The following ATM variants were observed in gnomAD, a reference collection of about 807,000 sequenced individuals.
The protein encoded by ATM is serine-protein kinase ATM.
ATM carries 308 observed loss-of-function variants against 387.0 expected under a neutral mutation model. The observed-to-expected ratio is 0.80, with a 90% CI of 0.73 to 0.87. The LOEUF (loss-of-function observed/expected upper bound fraction) is 0.87. Ranked by LOEUF, ATM falls within the 40% of genes least tolerant of loss-of-function variation. The pLI, the probability that ATM is intolerant of heterozygous loss-of-function variation, is 0.00. For missense variants in ATM, 3,312 were observed against 3,560.9 expected (o/e 0.93, Z 1.78); for synonymous variants, 1,156 against 1,187.3 (o/e 0.97, Z 0.54).
chr11:108,249,023 AG>A lies in ATM; in HGVS notation c.1158del (p.Lys387ArgfsTer3), dbSNP rs587782085. On this transcript the variant is annotated frameshift_variant, in exon 9 of 63. Transcript: ENST00000675843. LOFTEE classifies it high-confidence loss of function. ...ESSDYSVPCK[R>X]KKIELGWEVI... Reference sequence around the variant, plus strand: ...TAGTGATTACAGTGTCCCTTGCAAAAGGAAGAAAATAGAACTAGGCTGGGAA... The same window carrying A: ...TAGTGATTACAGTGTCCCTTGCAAAAGAAGAAAATAGAACTAGGCTGGGAA... 5 of 1,614,094 alleles carry A rather than the reference AG, an allele frequency of 3.1e-6. No homozygotes were observed. Among genetic ancestry groups the A allele is most frequent in the Non-Finnish European group, 4.2e-6 (5 of 1,179,942 alleles).
intron 61 of ATM, chr11:108,355,092 G>A: frequency 1.8e-6 from 1 of 566,770 alleles, no homozygotes; most frequent in South Asian, 2.1e-5. Context: ...TGGAATGTTA[G>A]AGCATTGTAA....
Position 108,366,073 on chromosome 11 carries a change from A to G in ATM, c.*565A>G. ...ACAGAAACGTATTTGGATTTTTCCT[A>G]GTAAGATCACTCAGTGTTACTAAAT... On this transcript the variant is annotated 3_prime_UTR_variant, in exon 63 of 63. Transcript: ENST00000675843. The G allele has an allele frequency of 5.4e-6, 1 of 185,796 alleles. No individual in the cohort carries two copies. Among genetic ancestry groups the G allele is most frequent in the Non-Finnish European group, 1.1e-5 (1 of 88,558 alleles). The allele number at this position is 185,796 out of a possible 1,614,324, so 11.5% of individuals were successfully genotyped here.
chr11:108,353,835 T>C lies in ATM; in HGVS notation c.8741T>C (p.Ile2914Thr), dbSNP rs780303327. The change falls in exon 60 of 63, where the codon ATT (isoleucine) becomes ACT (threonine). Residue 2914 changes from isoleucine to threonine, a missense_variant. This residue lies in a region of ATM where 1,405 missense variants were observed against 1,604.4 expected (regional missense o/e 0.88). Coordinates refer to ENST00000675843, the MANE Select transcript of ATM (RefSeq NM_000051.4). ...GTTCCTTTTAGACTCACCAGAGATA[T>C]TGTGGATGGCATGGGCATTACGGGT... ...ETVPFRLTRD[I>T]VDGMGITGVE... 6.8e-6 allele frequency: 11 copies of C among 1,613,956 alleles called. No individual in the cohort carries two copies. Among genetic ancestry groups the C allele is most frequent in the Admixed American group, 3.3e-5 (2 of 59,990 alleles).
intron 34 of ATM, among the ~76,000 whole-genome samples, chr11:108,301,198 T>A (rs4988034): frequency 6.6e-6 from 1 of 152,176 alleles, no homozygotes; most frequent in Non-Finnish European, 1.5e-5. Flanking sequence ...CTGAAACAGA[T>A]GCACAGAAAT....
At position 108,248,974 on chromosome 11, in the gene ATM, TTAC is replaced by T; in HGVS notation, c.1108_1110del (p.Tyr370del). 6.2e-7 allele frequency: 1 copy of T among 1,612,416 alleles called. No homozygotes were observed. The highest frequency in any genetic ancestry group is 8.5e-7 in the Non-Finnish European group (1 of 1,178,634). On this transcript the variant is annotated inframe_deletion, in exon 9 of 63. Coordinates refer to ENST00000675843, the MANE Select transcript of ATM (RefSeq NM_000051.4). ...CCAGATCCTTGGAGATTTCTCAATC[TTAC>T]ACTACTACACAAAGAGAATCTAGTG...
Position 108,284,188 on chromosome 11 carries a change from G to A in ATM, c.3747-39G>A, listed in dbSNP as rs1367669698. On this transcript the variant is annotated intron_variant, in intron 25 of 62. Coordinates refer to ENST00000675843, the MANE Select transcript of ATM (RefSeq NM_000051.4). ...ATTTTATAAAATTTTACTTGGAAAA[G>A]TTATATATAACCTGTATTTTAAATT... The A allele has an allele frequency of 2.7e-6, 4 of 1,482,902 alleles. No homozygotes were observed. The African/African-American group carries it at 5.7e-5, about 21-fold the overall frequency. The allele number at this position is 1,482,902 out of a possible 1,614,324, so 91.9% of individuals were successfully genotyped here.
At chr11:108,365,273 C>T (rs2091224551) in intron 62 of ATM, 52 bp from the exon 63 acceptor site, 4 of 1,614,024 alleles carry the variant, frequency 2.5e-6, no homozygotes, top group Non-Finnish European at 3.4e-6. Context: ...TTCTTATTCC[C>T]AAGGCCTTTA....
intron 38 of ATM, 88 bp downstream of exon 38, chr11:108,308,072 T>G: frequency 8.2e-7 from 1 of 1,222,256 alleles, no homozygotes; most frequent in South Asian, 1.3e-5. Flanking sequence ...TTATTTTAGG[T>G]GAAGGTGTTG....
At chr11:108,331,816 A>T (rs975572291) in intron 51 of ATM, 63 bp from the exon 52 acceptor site, 2 of 1,565,854 alleles carry the variant, frequency 1.3e-6, no homozygotes, top group Non-Finnish European at 1.8e-6. Context: ...GTTAAGCAAA[A>T]TGAAAAATAT....
chr11:108,327,445 T>C (rs916471897), intron 47 of ATM, 200 bp from the exon 48 acceptor site: 1 of 529,750 alleles, frequency 1.9e-6, no homozygotes, highest in African/African-American at 1.9e-5. Context: ...ATGGCAATAA[T>C]AATAATAAAC....
chr11:108,308,994 T>G, intron 38 of ATM: 2 of 1,527,304 alleles, frequency 1.3e-6, no homozygotes, highest in Non-Finnish European at 8.8e-7. Context: ...AGAATGGTGT[T>G]GACATTAGCA....
At chr11:108,269,239 G>T (rs1279929191) in intron 18 of ATM, among the ~76,000 whole-genome samples, 1 of 152,126 alleles carries the variant, frequency 6.6e-6, no homozygotes, top group East Asian at 1.9e-4. Context: ...TAGGTGTGTA[G>T]TCTGTTTAGT....
Position 108,256,128 on chromosome 11 carries a change from A to G in ATM, c.2125-87A>G, listed in dbSNP as rs544851479. 4 of 1,254,292 alleles carry G rather than the reference A, an allele frequency of 3.2e-6. No individual in the cohort carries two copies. The East Asian group carries it at 1.2e-4, about 37-fold the overall frequency. 77.7% of individuals were successfully genotyped at this position (1,254,292 alleles called of 1,614,324 possible). A position where few individuals can be genotyped will look rare whatever the true frequency, so the allele number is the denominator to read the frequency against. On this transcript the variant is annotated intron_variant, in intron 13 of 62. Coordinates refer to ENST00000675843, the MANE Select transcript of ATM (RefSeq NM_000051.4). ...GTTAACTGAACTTTTGTTTTTTAAT[A>G]TGTATGTAGAATTTGTTCTTACAAA...
At position 108,272,812 on chromosome 11, in the gene ATM, C is replaced by G. The variant is rs1302626569; in HGVS notation, c.3244C>G (p.His1082Asp). ...EVFTQFLADNHHQVRMLAAES... is the reference protein window; with the variant it reads ...EVFTQFLADNDHQVRMLAAES... ...ATTTACACAATTTCTTGCTGACAAT[C>G]ATCACCAAGTTCGCATGTTGGCTGC... The change falls in exon 22 of 63, where the codon CAT becomes GAT. Residue 1082 changes from histidine to aspartate, a missense_variant. This residue lies in a region of ATM where 1,791 missense variants were observed against 1,804.5 expected (regional missense o/e 0.99). Coordinates refer to ENST00000675843, the MANE Select transcript of ATM (RefSeq NM_000051.4). 6.2e-7 allele frequency: 1 copy of G among 1,614,056 alleles called. No individual in the cohort carries two copies. The highest frequency in any genetic ancestry group is 1.1e-5 in the South Asian group (1 of 91,084).
At chr11:108,243,928 CTA>C in intron 5 of ATM, 23 bp from the exon 6 acceptor site, 1 of 1,439,342 alleles carries the variant, frequency 6.9e-7, no homozygotes, top group Non-Finnish European at 9.5e-7. Flanking sequence ...AAAATCATGA[CTA>C]ATAATTTTTT....
rs1192250974 is a variant in ATM at position 108,301,776 on chromosome 11, C to T, written c.5306C>T (p.Thr1769Ile). ...CTGGCCTATCTACAGCCTTTTAGAACATCAAGAAAAAAGGTCTCTTAAGTA... is the reference window on the plus strand; with the variant it reads ...CTGGCCTATCTACAGCCTTTTAGAATATCAAGAAAAAAGGTCTCTTAAGTA... Reference protein sequence around the residue: ...PMLAYLQPFRTSRKKFLEVPR... With the variant: ...PMLAYLQPFRISRKKFLEVPR... The change falls in exon 35 of 63, where the codon ACA becomes ATA. Residue 1769 changes from threonine to isoleucine, a missense_variant. Physicochemically the swap from Thr to Ile is moderately conservative, Grantham distance 89. Transcript: ENST00000675843. 2 of 1,613,438 alleles carry T rather than the reference C, an allele frequency of 1.2e-6. No individual in the cohort carries two copies. Among genetic ancestry groups the T allele is most frequent in the Non-Finnish European group, 1.7e-6 (2 of 1,179,638 alleles).
At chr11:108,279,452 T>C (rs2082110699) in intron 22 of ATM, 39 bp from the exon 23 acceptor site, 1 of 1,428,450 alleles carries the variant, frequency 7.0e-7, no homozygotes, top group Non-Finnish European at 9.7e-7. Context: ...TAGAAAATTA[T>C]TTCACTTTTT....
At chr11:108,228,130 A>G (rs1591448286) in intron 3 of ATM, among the ~76,000 whole-genome samples, 1 of 152,032 alleles carries the variant, frequency 6.6e-6, no homozygotes, top group Non-Finnish European at 1.5e-5. Flanking sequence ...ATCTCACTCA[A>G]AATTGAGAGA....
chr11:108,250,438 A>G (rs921166289), intron 9 of ATM, among the ~76,000 whole-genome samples: 1 of 152,128 alleles, frequency 6.6e-6, no homozygotes, highest in Non-Finnish European at 1.5e-5. Flanking sequence ...CCTGGCCCAA[A>G]TATTGCTAAT....
Sources: allele counts gnomAD v4.1 joint callset (sites outside exome capture counted in the v4.1 genomes callset), GRCh38; gene constraint gnomAD v4.1.1; regional missense constraint gnomAD v4.1.1; transcripts MANE v1.5; gene names NCBI Gene and HGNC (gene_info 2026-07-23, HGNC 2026-07-21).